The following IL17F variants were observed in gnomAD, a reference collection of about 807,000 sequenced individuals.
IL17F encodes the protein interleukin-17F.
In IL17F, 6 loss-of-function variants were observed where a neutral mutation model predicts 8.3. The ratio of observed to expected loss-of-function variants is 0.73; its 90% CI spans 0.40 to 1.43. IL17F has a LOEUF of 1.43. IL17F is among the 40% of genes most tolerant of loss of function. IL17F has a pLI of 0.02. For missense variants in IL17F, 204 were observed against 209.6 expected (o/e 0.97, Z 0.17); for synonymous variants, 98 against 81.6 (o/e 1.20, Z -1.08).
In IL17F at chr6:52,244,453, G is replaced by T. The variant is rs1008039955; in HGVS notation, c.-24C>A. On this transcript the variant is annotated 5_prime_UTR_variant, in exon 1 of 3. Coordinates refer to ENST00000336123, the MANE Select transcript of IL17F (RefSeq NM_052872.4). The stretch of plus-strand genomic sequence containing the variant: ...ATGTTGCGCTGGTGGCTTACTTTGT[G>T]CAGGAAGCTCTTTCTGTGAATGTAT... 3.1e-6 allele frequency: 5 copies of T among 1,612,734 alleles called. No homozygotes were observed. Among genetic ancestry groups the T allele is most frequent in the African/African-American group, 2.7e-5 (2 of 74,898 alleles).
intron 2 of IL17F, among the ~76,000 whole-genome samples, chr6:52,237,455 C>A (rs994245051): frequency 2.6e-5 from 4 of 152,190 alleles, no homozygotes; most frequent in Non-Finnish European, 5.9e-5. Flanking sequence ...CCCCACTGTA[C>A]AAATGTTAGC....
intron 1 of IL17F, 34 bp downstream of exon 1, chr6:52,244,363 C>G (rs753528743): frequency 6.2e-7 from 1 of 1,605,686 alleles, no homozygotes; most frequent in East Asian, 2.2e-5. Context: ...CTAGGCATGA[C>G]AGTCCTTAAA....
intron 1 of IL17F, among the ~76,000 whole-genome samples, chr6:52,242,368 C>T (rs1036990383): frequency 1.3e-5 from 2 of 152,186 alleles, no homozygotes; most frequent in Non-Finnish European, 2.9e-5. Context: ...AAGCATGCAC[C>T]TGGCCAACCT....
At chr6:52,243,949 A>G (rs1764115385) in intron 1 of IL17F, among the ~76,000 whole-genome samples, 1 of 152,118 alleles carries the variant, frequency 6.6e-6, no homozygotes, top group South Asian at 2.1e-4. Flanking sequence ...TTTAGTAGAG[A>G]CAGGGTTTCA....
rs1454529211 is a variant in IL17F, at chr6:52,238,816, C to T, written c.168G>A (p.Lys56=). The T allele has an allele frequency of 6.2e-7, 1 of 1,614,162 alleles. No individual in the cohort carries two copies. The highest frequency in any genetic ancestry group is 1.7e-5 in the Admixed American group (1 of 60,014). ...SCPPVPGGSM[K]LDIGIINENQ... ...TTTCATTGATGATGCCAATGTCAAG[C>T]TTCATACTACCTCCTGGCACAGGCG... The change falls in exon 2 of 3, where the codon AAG becomes AAA. Residue 56 remains lysine, a synonymous_variant. Transcript: ENST00000336123.
intron 2 of IL17F, among the ~76,000 whole-genome samples, chr6:52,237,381 T>C (rs1022792589): frequency 3.9e-5 from 6 of 152,132 alleles, no homozygotes; most frequent in Non-Finnish European, 8.8e-5. Context: ...AGATGGGGAT[T>C]TTCATATACC....
chr6:52,237,374 T>C (rs1415531891), intron 2 of IL17F, among the ~76,000 whole-genome samples: 2 of 152,302 alleles, frequency 1.3e-5, no homozygotes, highest in African/African-American at 4.8e-5. Flanking sequence ...AACTATAAGA[T>C]GGGGATTTTC....
chr6:52,240,845 C>T (rs577047695), intron 1 of IL17F, among the ~76,000 whole-genome samples: 58 of 150,874 alleles, frequency 3.8e-4, no homozygotes, highest in Non-Finnish European at 8.1e-4. Context: ...GGGTCTGTAA[C>T]TCAATTCCAG....
intron 1 of IL17F, among the ~76,000 whole-genome samples, chr6:52,241,368 G>A (rs756691298): frequency 3.9e-5 from 6 of 152,164 alleles, no homozygotes; most frequent in Admixed American, 6.5e-5. Flanking sequence ...CTGAGCTACC[G>A]CGCCTGGCCT....
intron 2 of IL17F, among the ~76,000 whole-genome samples, chr6:52,237,814 C>T (rs1562358835): frequency 6.6e-6 from 1 of 152,130 alleles, no homozygotes; most frequent in African/African-American, 2.4e-5. Flanking sequence ...GAGCCAAGGC[C>T]ACCATGCACA....
At position 52,237,061 on chromosome 6, in the gene IL17F, A is replaced by G; in HGVS notation, c.362T>C (p.Val121Ala). The change falls in exon 3 of 3, where the codon GTT becomes GCT. Residue 121 changes from valine to alanine, a missense_variant. By Grantham distance (64) the Val-to-Ala change is moderately conservative (BLOSUM62 0). Coordinates refer to ENST00000336123, the MANE Select transcript of IL17F (RefSeq NM_052872.4). ...QGKEDISMNS[V>A]PIQQETLVVR... ...GACCAGGGTCTCTTGCTGGATGGGA[A>G]CGGAATTCATGGAGATGTCTTCCTT... 1 of 1,614,226 alleles carries G rather than the reference A, an allele frequency of 6.2e-7. No homozygotes were observed. Among genetic ancestry groups the G allele is most frequent in the Non-Finnish European group, 8.5e-7 (1 of 1,180,028 alleles).
chr6:52,243,394 C>T (rs1764105224), intron 1 of IL17F, among the ~76,000 whole-genome samples: 1 of 152,114 alleles, frequency 6.6e-6, no homozygotes, highest in Non-Finnish European at 1.5e-5. Context: ...CTCTTTCCTC[C>T]AAGAAGAATG....
intron 2 of IL17F, among the ~76,000 whole-genome samples, chr6:52,238,223 G>A (rs1764004550): frequency 6.6e-6 from 1 of 152,236 alleles, no homozygotes; most frequent in Admixed American, 6.5e-5. Flanking sequence ...ATGAGGGAGT[G>A]CTTGGTCTTC....
At chr6:52,237,823 C>T (rs1763993742) in intron 2 of IL17F, among the ~76,000 whole-genome samples, 2 of 151,232 alleles carry the variant, frequency 1.3e-5, no homozygotes, top group South Asian at 4.2e-4. Context: ...CCACCATGCA[C>T]AGCCAAGGAG....
At chr6:52,243,172 C>A (rs937449226) in intron 1 of IL17F, among the ~76,000 whole-genome samples, 31 of 152,148 alleles carry the variant, frequency 2.0e-4, no homozygotes, top group African/African-American at 7.5e-4. Context: ...TTGCTATATG[C>A]CATGAACCTT....
chr6:52,239,036 C>G, intron 1 of IL17F, 86 bp from the exon 2 acceptor site: 1 of 1,207,592 alleles, frequency 8.3e-7, no homozygotes, highest in Admixed American at 1.8e-5. Context: ...CTCAGCATTC[C>G]TGTCCTTTTA....
At chr6:52,240,595 A>T (rs1330491354) in intron 1 of IL17F, among the ~76,000 whole-genome samples, 2 of 152,134 alleles carry the variant, frequency 1.3e-5, no homozygotes, top group Non-Finnish European at 2.9e-5. Context: ...GATACTAGAG[A>T]CAAAAAACAA....
At chr6:52,241,481 C>T (rs1764073898) in intron 1 of IL17F, among the ~76,000 whole-genome samples, 1 of 151,502 alleles carries the variant, frequency 6.6e-6, no homozygotes, top group African/African-American at 2.4e-5. Context: ...TAAATTCCTC[C>T]TTTGTGTTTT....
At chr6:52,238,402 C>T (rs1442036034) in intron 2 of IL17F, among the ~76,000 whole-genome samples, 1 of 152,164 alleles carries the variant, frequency 6.6e-6, no homozygotes, top group Non-Finnish European at 1.5e-5. Context: ...CCCATTTATC[C>T]TCATGAGGAG....
Sources: allele counts gnomAD v4.1 joint callset (sites outside exome capture counted in the v4.1 genomes callset), GRCh38; gene constraint gnomAD v4.1.1; transcripts MANE v1.5; gene names NCBI Gene and HGNC (gene_info 2026-07-23, HGNC 2026-07-21).